TSPEAR: variants seen among roughly 807,000 people sequenced by gnomAD.
TSPEAR encodes thrombospondin type laminin G domain and EAR repeats.
TSPEAR carries 69 observed loss-of-function variants against 71.6 expected under a neutral mutation model. The ratio of observed to expected loss-of-function variants is 0.96; its 90% confidence interval spans 0.79 to 1.18. The LOEUF (loss-of-function observed/expected upper bound fraction) is 1.18. Ranked by LOEUF, TSPEAR falls within the 50% of genes most tolerant of loss-of-function variation. TSPEAR has a pLI of 0.00. For synonymous variants in TSPEAR, 402 were observed against 387.2 expected, an observed-to-expected ratio of 1.04 and a Z score of -0.45; for missense variants, 971 against 894.9, an observed-to-expected ratio of 1.09 and a Z score of -1.09.
chr21:44,565,729 TC>T (rs1555921664), intron 2 of TSPEAR, among the ~76,000 whole-genome samples: 1 of 152,178 alleles, frequency 6.6e-6, no homozygotes, highest in African/African-American at 2.4e-5. Context: ...GTTAAGGGCA[TC>T]TATGAAGAAT....
chr21:44,667,269 CAGA>C (rs141792653), intron 1 of TSPEAR, among the ~76,000 whole-genome samples: 389 of 152,264 alleles, frequency 2.6e-3, no homozygotes, highest in African/African-American at 7.5e-3. Flanking sequence ...CCTTAAACCA[CAGA>C]AGTTTACACT....
chr21:44,501,359 G>A (rs890108523), intron 11 of TSPEAR, among the ~76,000 whole-genome samples: 1 of 152,180 alleles, frequency 6.6e-6, no homozygotes, highest in Non-Finnish European at 1.5e-5. Flanking sequence ...ACTTTGGGAG[G>A]CCGAGGCGGG....
At chr21:44,627,971 G>A (rs201944389) in intron 1 of TSPEAR, 1 of 1,519,690 alleles carries the variant, frequency 6.6e-7, no homozygotes, top group African/African-American at 1.4e-5. Context: ...CAGGCCTCCT[G>A]TGTGTCCCTT....
At chr21:44,657,882 T>C in intron 1 of TSPEAR, 1 of 1,158,790 alleles carries the variant, frequency 8.6e-7, no homozygotes, top group East Asian at 2.4e-5. Context: ...TGTTTTTGTG[T>C]TACCCAGATG....
At position 44,697,881 on chromosome 21, in the gene TSPEAR, G is replaced by A. The variant is rs201774066; in HGVS notation, c.82+13552C>T. 789 of 1,603,186 alleles carry A rather than the reference G, an allele frequency of 4.9e-4. 9 individuals carry two copies. Among genetic ancestry groups the A allele is most frequent in the Middle Eastern group, 4.5e-3 (27 of 6,010 alleles). Reference sequence around the variant, plus strand: ...TCCTCCTGCCAGCCAAGCTGCGGCCGCCTGGCCTCCTGCGGGTCCCTCCTC... The same window carrying A: ...TCCTCCTGCCAGCCAAGCTGCGGCCACCTGGCCTCCTGCGGGTCCCTCCTC... On this transcript the variant is annotated intron_variant, in intron 1 of 11. Coordinates refer to ENST00000323084, the MANE Select transcript of TSPEAR (RefSeq NM_144991.3).
chr21:44,658,077 C>T, intron 1 of TSPEAR: 1 of 1,613,716 alleles, frequency 6.2e-7, no homozygotes, highest in Non-Finnish European at 8.5e-7. Flanking sequence ...TGCCAGTCCT[C>T]CGTGTGCATG....
intron 1 of TSPEAR, chr21:44,676,040 T>G: frequency 1.1e-6 from 1 of 888,206 alleles, no homozygotes; most frequent in African/African-American, 1.6e-5. Flanking sequence ...TAGCTCCAGA[T>G]CACCATGCTC....
At chr21:44,689,224 C>T (rs1205690356) in intron 1 of TSPEAR, among the ~76,000 whole-genome samples, 3 of 152,196 alleles carry the variant, frequency 2.0e-5, no homozygotes, top group Admixed American at 6.5e-5. Flanking sequence ...TAAATACGGC[C>T]GGGCACGGTG....
At position 44,651,312 on chromosome 21, in the gene TSPEAR, C is replaced by T. The variant is rs1284234737; in HGVS notation, c.82+60121G>A. 2.6e-5 allele frequency among the ~76,000 whole-genome samples: 4 copies of T among 152,148 alleles called. No individual in the cohort carries two copies. The East Asian group carries it at 5.8e-4, about 22-fold the overall frequency. On this transcript the variant is annotated intron_variant, in intron 1 of 11. Coordinates refer to ENST00000323084, the MANE Select transcript of TSPEAR (RefSeq NM_144991.3). The stretch of plus-strand genomic sequence containing the variant: ...CTCACGGCTGTGGCTGGCAAGACCA[C>T]GCAGTGTGTAGAAACACCAGGCTGT...
intron 9 of TSPEAR, chr21:44,510,042 A>G (rs2052324109): frequency 6.5e-6 from 1 of 152,780 alleles, no homozygotes; most frequent in Admixed American, 6.5e-5. Context: ...CCATTCCTCC[A>G]TAAATCACTT....
At chr21:44,525,114 A>G (rs587733219) in intron 8 of TSPEAR, among the ~76,000 whole-genome samples, 2 of 150,612 alleles carry the variant, frequency 1.3e-5, no homozygotes, top group African/African-American at 4.9e-5. Flanking sequence ...CAGTCAGCCA[A>G]TCAGGTATCA....
At chr21:44,602,657 G>A (rs1326520554) in intron 1 of TSPEAR, among the ~76,000 whole-genome samples, 2 of 152,224 alleles carry the variant, frequency 1.3e-5, no homozygotes, top group African/African-American at 4.8e-5. Context: ...TGGAATTCTG[G>A]CGTAGCCCAG....
intron 1 of TSPEAR, among the ~76,000 whole-genome samples, chr21:44,599,171 T>TCTCTCTCTCTCTCTCC (rs1569210763): frequency 8.0e-6 from 1 of 125,148 alleles, no homozygotes; most frequent in East Asian, 2.7e-4. Context: ...TCTCTCTCTC[T>TCTCTCTCTCTCTCTCC]CCTTCCATCC....
intron 1 of TSPEAR, among the ~76,000 whole-genome samples, chr21:44,584,572 TA>T (rs1979218882): frequency 6.6e-6 from 1 of 152,240 alleles, no homozygotes; most frequent in East Asian, 1.9e-4. Flanking sequence ...TCTCTTGCTT[TA>T]TCTTTTTAAA....
chr21:44,539,067 T>A, intron 2 of TSPEAR: 1 of 657,766 alleles, frequency 1.5e-6, no homozygotes, highest in East Asian at 2.8e-5. Context: ...GCAGAGAAGC[T>A]GGGAGGGAGG....
rs112849800 is a variant in TSPEAR, at chr21:44,611,708, G to A, written c.83-43703C>T. On this transcript the variant is annotated intron_variant, in intron 1 of 11. Transcript: ENST00000323084. ...GCTGGTAAAAAAACACCCCACCCCT[G>A]GTACCAAATACCCCAATAGCAAAGA... is the stretch of plus-strand genomic sequence containing the variant. Among the ~76,000 whole-genome samples the A allele has an allele frequency of 5.1e-3, 779 of 152,206 alleles. 6 individuals carry two copies. The highest frequency in any genetic ancestry group is 0.018 in the African/African-American group (737 of 41,518).
At chr21:44,639,496 G>A (rs782216639) in intron 1 of TSPEAR, among the ~76,000 whole-genome samples, 27 of 152,302 alleles carry the variant, frequency 1.8e-4, no homozygotes, top group African/African-American at 4.6e-4. Flanking sequence ...AGCAGCAGCC[G>A]TCCCCAGGGC....
chr21:44,659,246 G>A (rs1985351513), intron 1 of TSPEAR, among the ~76,000 whole-genome samples: 1 of 151,688 alleles, frequency 6.6e-6, no homozygotes, highest in African/African-American at 2.4e-5. Flanking sequence ...GTGAAACTTA[G>A]GGTGGAGCAA....
rs781966096 is a variant in TSPEAR at position 44,558,347 on chromosome 21, G to C, written c.303+9438C>G. On this transcript the variant is annotated intron_variant, in intron 2 of 11. Transcript: ENST00000323084. ...CCCCAGAGCAGACGGGCACACAGCA[G>C]ATGGGCTTGCAGCAGACAGGCTTGC... The C allele has an allele frequency of 9.9e-6, 16 of 1,613,364 alleles. No homozygotes were observed. In the African/African-American group the frequency reaches 2.0e-4, roughly 20 times the overall value.
Sources: allele counts gnomAD v4.1 joint callset (sites outside exome capture counted in the v4.1 genomes callset), GRCh38; gene constraint gnomAD v4.1.1; transcripts MANE v1.5; gene names NCBI Gene and HGNC (gene_info 2026-07-23, HGNC 2026-07-21).